The following CLSTN2 variants were observed in gnomAD, a reference collection of about 807,000 sequenced individuals.
CLSTN2 encodes the protein calsyntenin-2.
Under a neutral mutation model 101.2 loss-of-function variants are expected in CLSTN2, and 48 were observed. The ratio of observed to expected loss-of-function variants is 0.47; its 90% CI spans 0.38 to 0.60. The LOEUF is 0.60. Among genes scored for constraint, CLSTN2 ranks in the 20% least tolerant of loss-of-function variants. The pLI, the probability that CLSTN2 is intolerant of heterozygous loss-of-function variation, is 0.00. For missense variants in CLSTN2, 1,160 were observed against 1,238.2 expected (o/e 0.94, Z 0.95); for synonymous variants, 481 against 463.6 (o/e 1.04, Z -0.48).
chr3:140,328,461 A>G (rs1336520495), intron 2 of CLSTN2, among the ~76,000 whole-genome samples: 3 of 152,216 alleles, frequency 2.0e-5, no homozygotes, highest in Non-Finnish European at 4.4e-5. Context: ...TGTGTTAGCT[A>G]TCTTCCTATG....
intron 1 of CLSTN2, among the ~76,000 whole-genome samples, chr3:140,137,919 T>C (rs575156312): frequency 1.2e-4 from 18 of 152,172 alleles, no homozygotes; most frequent in Non-Finnish European, 2.5e-4. Flanking sequence ...GCTTTCGCCT[T>C]CCCTATTACA....
intron 1 of CLSTN2, among the ~76,000 whole-genome samples, chr3:140,172,200 T>C (rs968099431): frequency 1.4e-5 from 2 of 141,204 alleles, no homozygotes; most frequent in Admixed American, 1.7e-4. Context: ...ACCTACTCTA[T>C]ATCCAGACTT....
intron 1 of CLSTN2, among the ~76,000 whole-genome samples, chr3:139,996,513 A>G (rs1020792379): frequency 6.6e-6 from 1 of 152,102 alleles, no homozygotes. Context: ...CAGCCTCCCA[A>G]GTAGCCGGGA....
At chr3:140,317,245 A>G (rs1244207741) in intron 2 of CLSTN2, among the ~76,000 whole-genome samples, 2 of 152,178 alleles carry the variant, frequency 1.3e-5, no homozygotes, top group South Asian at 2.1e-4. Context: ...TGCTCCTTGC[A>G]TCATCCTTTG....
chr3:140,225,264 G>C (rs1232989258), intron 2 of CLSTN2, among the ~76,000 whole-genome samples: 1 of 152,160 alleles, frequency 6.6e-6, no homozygotes, highest in Admixed American at 6.5e-5. Flanking sequence ...CCAGGTGATG[G>C]TGAGAGAGAC....
At chr3:140,459,055 GCTCTGAACTGTGTCTGA>G (rs1383277445) in intron 6 of CLSTN2, among the ~76,000 whole-genome samples, 2 of 152,130 alleles carry the variant, frequency 1.3e-5, no homozygotes, top group Non-Finnish European at 2.9e-5. Flanking sequence ...CAACTTGCTG[GCTCTGAACTGTGTCTGA>G]CTCACCTTCA....
chr3:140,108,178 C>T (rs932520706), intron 1 of CLSTN2, among the ~76,000 whole-genome samples: 4 of 152,148 alleles, frequency 2.6e-5, no homozygotes, highest in African/African-American at 9.7e-5. Context: ...CAGGTAGAAC[C>T]ACCATATCAT....
chr3:140,339,397 T>C (rs374850862), intron 2 of CLSTN2, among the ~76,000 whole-genome samples: 4 of 152,114 alleles, frequency 2.6e-5, no homozygotes, highest in African/African-American at 9.7e-5. Context: ...ATAGTGAGAT[T>C]TGTGAAGAGT....
At chr3:140,565,907 T>C in intron 16 of CLSTN2, 146 bp from the exon 17 acceptor site, 1 of 1,000,186 alleles carries the variant, frequency 1.0e-6, no homozygotes, top group South Asian at 1.7e-5. Context: ...TTCCAGGAAG[T>C]CTGTCTCCAG....
chr3:140,073,325 C>A (rs563615919), intron 1 of CLSTN2, among the ~76,000 whole-genome samples: 4 of 152,188 alleles, frequency 2.6e-5, no homozygotes, highest in Admixed American at 6.5e-5. Context: ...CTCCCACCCC[C>A]CAGGATGTAT....
At chr3:140,350,116 C>A (rs1184131644) in intron 2 of CLSTN2, among the ~76,000 whole-genome samples, 1 of 152,228 alleles carries the variant, frequency 6.6e-6, no homozygotes, top group Non-Finnish European at 1.5e-5. Context: ...TGACAGCCCA[C>A]GTGATTCTGC....
At chr3:140,132,236 C>T (rs920171915) in intron 1 of CLSTN2, among the ~76,000 whole-genome samples, 8 of 152,128 alleles carry the variant, frequency 5.3e-5, no homozygotes, top group African/African-American at 1.7e-4. Flanking sequence ...CCTCTGATTT[C>T]TATGATTTTA....
chr3:140,374,939 A>C (rs1250138465), intron 2 of CLSTN2, among the ~76,000 whole-genome samples: 1 of 152,250 alleles, frequency 6.6e-6, no homozygotes, highest in African/African-American at 2.4e-5. Context: ...ACACCAGCCC[A>C]GCTTAAAGCC....
intron 1 of CLSTN2, among the ~76,000 whole-genome samples, chr3:140,012,103 G>A (rs991802850): frequency 1.3e-5 from 2 of 152,094 alleles, no homozygotes; most frequent in African/African-American, 4.8e-5. Context: ...TGGACGGGAG[G>A]GTGCTCTCTA....
rs536399728 is a variant in CLSTN2, at chr3:140,228,825, A to G, written c.232+52752A>G. 7.9e-5 allele frequency among the ~76,000 whole-genome samples: 12 copies of G among 152,296 alleles called. No individual in the cohort carries two copies. In the South Asian group the frequency reaches 2.3e-3, roughly 29 times the overall value. On this transcript the variant is annotated intron_variant, in intron 2 of 16. Transcript: ENST00000458420. ...TCAGATCTCATGAGACTCATTAACT[A>G]TCATGAGAACAGAGCAGGAAAGACC...
intron 5 of CLSTN2, among the ~76,000 whole-genome samples, chr3:140,445,899 T>C (rs924801194): frequency 3.9e-5 from 6 of 152,048 alleles, no homozygotes; most frequent in African/African-American, 1.4e-4. Flanking sequence ...CCATGAAGCT[T>C]AGAGTCTAAT....
intron 1 of CLSTN2, among the ~76,000 whole-genome samples, chr3:139,961,895 ATT>A (rs1445118164): frequency 6.6e-6 from 1 of 152,116 alleles, no homozygotes; most frequent in Non-Finnish European, 1.5e-5. Flanking sequence ...TTTATACCAT[ATT>A]TACAATTTAT....
At chr3:140,139,499 A>G (rs2009664284) in intron 1 of CLSTN2, among the ~76,000 whole-genome samples, 1 of 152,114 alleles carries the variant, frequency 6.6e-6, no homozygotes, top group Non-Finnish European at 1.5e-5. Flanking sequence ...TCATCTGAGG[A>G]GCTTTAAAAA....
chr3:139,960,087 G>T (rs753107349), intron 1 of CLSTN2, among the ~76,000 whole-genome samples: 2 of 152,162 alleles, frequency 1.3e-5, no homozygotes, highest in Non-Finnish European at 2.9e-5. Context: ...GTGTGTAAAT[G>T]CTTAAACACC....
Sources: allele counts gnomAD v4.1 joint callset (sites outside exome capture counted in the v4.1 genomes callset), GRCh38; gene constraint gnomAD v4.1.1; transcripts MANE v1.5; gene names NCBI Gene and HGNC (gene_info 2026-07-23, HGNC 2026-07-21).